RUBCNL: variants seen among roughly 807,000 people sequenced by gnomAD.
RUBCNL encodes rubicon like autophagy enhancer.
Under a neutral mutation model 69.5 loss-of-function variants are expected in RUBCNL, and 62 were observed. The observed-to-expected ratio is 0.89, with a 90% CI of 0.73 to 1.10. The LOEUF (loss-of-function observed/expected upper bound fraction) is 1.10. RUBCNL is among the 50% of genes least tolerant of loss of function. The pLI is 0.00. For synonymous variants in RUBCNL, 291 were observed against 303.6 expected (o/e 0.96, Z 0.43); for missense variants, 768 against 798.1 (o/e 0.96, Z 0.45).
At chr13:46,354,091 T>C (rs896244784) in intron 10 of RUBCNL, among the ~76,000 whole-genome samples, 2 of 152,364 alleles carry the variant, frequency 1.3e-5, no homozygotes, top group African/African-American at 4.8e-5. Flanking sequence ...ATATAGAGAA[T>C]TGTTTTTAAT....
intron 12 of RUBCNL, 143 bp from the exon 13 acceptor site, chr13:46,345,743 G>A (rs2048233532): frequency 2.5e-6 from 2 of 814,294 alleles, no homozygotes; most frequent in South Asian, 2.0e-5. Context: ...AAGAACAACA[G>A]TGAACCATGC....
At chr13:46,357,118 G>A (rs1379260662) in intron 9 of RUBCNL, among the ~76,000 whole-genome samples, 5 of 150,948 alleles carry the variant, frequency 3.3e-5, no homozygotes, top group African/African-American at 9.7e-5. Flanking sequence ...TGAGGCAGGC[G>A]GATCACGAGG....
chr13:46,373,604 C>T (rs1449196172), intron 2 of RUBCNL, among the ~76,000 whole-genome samples: 3 of 152,204 alleles, frequency 2.0e-5, no homozygotes, highest in Non-Finnish European at 4.4e-5. Flanking sequence ...AAATGTTTTG[C>T]TTTTCTGTTC....
At chr13:46,347,426 C>CA (rs1309243760) in intron 12 of RUBCNL, among the ~76,000 whole-genome samples, 2 of 151,636 alleles carry the variant, frequency 1.3e-5, no homozygotes, top group African/African-American at 2.4e-5. Context: ...CCAAAAACAA[C>CA]AAAAAAAACT....
rs1281630820 is a variant in RUBCNL at position 46,349,967 on chromosome 13, A to G, written c.1569+146T>C. 2.0e-5 allele frequency: 13 copies of G among 654,486 alleles called. No individual in the cohort carries two copies. In the East Asian group the frequency reaches 2.8e-4, roughly 14 times the overall value. 40.5% of individuals were successfully genotyped at this position (654,486 alleles called of 1,614,324 possible). Reference sequence around the variant, plus strand: ...TCAAAGTGCTGGGATTACAGGTGTGAGCCCCTGCGCCCAGCCGCTTCACTC... The same window carrying G: ...TCAAAGTGCTGGGATTACAGGTGTGGGCCCCTGCGCCCAGCCGCTTCACTC... On this transcript the variant is annotated intron_variant, in intron 11 of 14. Coordinates refer to ENST00000429979, the MANE Select transcript of RUBCNL (RefSeq NM_025113.5).
chr13:46,348,606 ATT>A (rs386379048), intron 12 of RUBCNL, among the ~76,000 whole-genome samples: 237 of 138,838 alleles, frequency 1.7e-3, no homozygotes, highest in African/African-American at 5.9e-3. Flanking sequence ...ACGAGATTTG[ATT>A]TTTTTTTTTT....
rs1195696254 is a variant in RUBCNL, at chr13:46,372,392, A to G, written c.84T>C (p.Gly28=). Residue 28 remains glycine (G), a synonymous_variant, in exon 3 of 15, where the codon GGT becomes GGC. Transcript: ENST00000429979. ...GISDHSGIID[G]SPRLLNTDHP... ...GGTCAGTGTTCAGGAGTCTGGGCGA[A>G]CCATCAATAATGCCAGAGTGATCGC... The G allele has an allele frequency of 3.1e-6, 5 of 1,613,756 alleles. No individual in the cohort carries two copies. Among genetic ancestry groups the G allele is most frequent in the African/African-American group, 1.3e-5 (1 of 74,938 alleles).
chr13:46,379,169 C>G (rs2049064912), intron 1 of RUBCNL, among the ~76,000 whole-genome samples: 1 of 152,102 alleles, frequency 6.6e-6, no homozygotes, highest in South Asian at 2.1e-4. Flanking sequence ...CTCTGCCTCC[C>G]AAGTTCAAGC....
intron 9 of RUBCNL, among the ~76,000 whole-genome samples, chr13:46,359,029 A>T (rs2048552346): frequency 6.6e-6 from 1 of 152,154 alleles, no homozygotes; most frequent in Middle Eastern, 3.4e-3. Flanking sequence ...CTGTAATCCC[A>T]GCACTTTGGG....
At position 46,335,000 on chromosome 13, in the gene RUBCNL, A is replaced by C. The variant is rs1176041630; in HGVS notation, c.*8385T>G. Among the ~76,000 whole-genome samples, 1 of 152,106 alleles carries C rather than the reference A, an allele frequency of 6.6e-6. No homozygotes were observed. The highest frequency in any genetic ancestry group is 1.5e-5 in the Non-Finnish European group (1 of 68,022). On this transcript the variant is annotated 3_prime_UTR_variant, in exon 15 of 15. Transcript: ENST00000429979. Reference sequence around the variant, plus strand: ...TTTAAAGAGGTTCCTGATGGAGGGAAGAGAGGAACAGCTCAGGAAGTGGTG... The same window carrying C: ...TTTAAAGAGGTTCCTGATGGAGGGACGAGAGGAACAGCTCAGGAAGTGGTG...
At chr13:46,387,048 T>C (rs1481502477) in intron 1 of RUBCNL, 86 bp downstream of exon 1, 12 of 966,800 alleles carry the variant, frequency 1.2e-5, no homozygotes, top group Non-Finnish European at 1.5e-5. Flanking sequence ...CCATCCAACC[T>C]CTCCCGCGGC....
intron 11 of RUBCNL, among the ~76,000 whole-genome samples, chr13:46,349,767 C>G (rs1221679708): frequency 6.6e-6 from 1 of 151,892 alleles, no homozygotes; most frequent in Non-Finnish European, 1.5e-5. Flanking sequence ...ACCTCCACCT[C>G]CCGGGTTCAA....
intron 7 of RUBCNL, 108 bp from the exon 8 acceptor site, chr13:46,361,681 G>C: frequency 8.8e-7 from 1 of 1,132,440 alleles, no homozygotes; most frequent in East Asian, 2.6e-5. Flanking sequence ...ACTCAGAAGA[G>C]GCTGTCATAT....
chr13:46,372,980 T>C (rs1406689464), intron 2 of RUBCNL, among the ~76,000 whole-genome samples: 2 of 151,434 alleles, frequency 1.3e-5, no homozygotes, highest in Admixed American at 6.6e-5. Flanking sequence ...TTTCTTTCTT[T>C]TTTTTTTTTT....
rs1262064480 is a variant in RUBCNL at position 46,336,820 on chromosome 13, G to A, written c.*6565C>T. Among the ~76,000 whole-genome samples, 1 of 152,054 alleles carries A rather than the reference G, an allele frequency of 6.6e-6. No individual in the cohort carries two copies. The highest frequency in any genetic ancestry group is 1.5e-5 in the Non-Finnish European group (1 of 68,008). On this transcript the variant is annotated 3_prime_UTR_variant, in exon 15 of 15. Transcript: ENST00000429979. The stretch of plus-strand genomic sequence containing the variant: ...TGTTGCTGTGAAGAAGATCATAGAG[G>A]TAGAACTGGAAAGGAATGTGAGGTT...
At chr13:46,366,690 A>G (rs555479310) in intron 5 of RUBCNL, among the ~76,000 whole-genome samples, 3 of 152,358 alleles carry the variant, frequency 2.0e-5, no homozygotes, top group Admixed American at 2.0e-4. Flanking sequence ...TAGTAAAGGA[A>G]GTCAAGAAGA....
At chr13:46,368,970 G>A (rs1199775350) in intron 3 of RUBCNL, among the ~76,000 whole-genome samples, 155 bp from the exon 4 acceptor site, 2 of 152,182 alleles carry the variant, frequency 1.3e-5, no homozygotes, top group Admixed American at 6.5e-5. Flanking sequence ...AGATCTTTCC[G>A]ATGGCAGGTC....
chr13:46,339,498 T>G lies in RUBCNL; in HGVS notation c.*3887A>C, dbSNP rs1307906447. Among the ~76,000 whole-genome samples the G allele has an allele frequency of 6.6e-6, 1 of 152,146 alleles. No individual in the cohort carries two copies. Among genetic ancestry groups the G allele is most frequent in the Non-Finnish European group, 1.5e-5 (1 of 68,040 alleles). ...GAATGTCAAACCCCTTCCTGACATG[T>G]CTACCACGTTCCTTCCAGCAGGTTT... On this transcript the variant is annotated 3_prime_UTR_variant, in exon 15 of 15. Coordinates refer to ENST00000429979, the MANE Select transcript of RUBCNL (RefSeq NM_025113.5).
intron 7 of RUBCNL, among the ~76,000 whole-genome samples, chr13:46,362,164 G>C (rs547904943): frequency 6.6e-6 from 1 of 152,200 alleles, no homozygotes; most frequent in South Asian, 2.1e-4. Flanking sequence ...TTGAACCCAG[G>C]AGGCGGAGGT....
Sources: allele counts gnomAD v4.1 joint callset (sites outside exome capture counted in the v4.1 genomes callset), GRCh38; gene constraint gnomAD v4.1.1; transcripts MANE v1.5; gene names NCBI Gene and HGNC (gene_info 2026-07-23, HGNC 2026-07-21).